The following ANK1 variants were observed in gnomAD, a reference collection of about 807,000 sequenced individuals.
ANK1 encodes ankyrin-1.
Under a neutral mutation model 210.4 loss-of-function variants are expected in ANK1, and 51 were observed. The observed-to-expected ratio is 0.24, with a 90% CI of 0.19 to 0.31. The LOEUF (loss-of-function observed/expected upper bound fraction) is 0.31, where lower values mean the gene tolerates loss of function less well. ANK1 is among the 10% of genes least tolerant of loss of function. The probability of loss-of-function intolerance (pLI) is 1.00; values close to 1 mark genes in which losing one functional copy is unlikely to be tolerated. For synonymous variants in ANK1, 967 were observed against 1,025.9 expected (o/e 0.94, Z 1.10); for missense variants, 2,051 against 2,504.4 (o/e 0.82, Z 3.86).
At chr8:41,797,653 C>G (rs1849032982), upstream of ANK1, 7 of 1,497,048 alleles carry the variant, frequency 4.7e-6, no homozygotes, top group South Asian at 9.0e-5. The surrounding 1 kb of genome is among the most constrained non-coding windows in gnomAD (Gnocchi z 4.0). Flanking sequence ...GCCAGGCCCC[C>G]GAGGGCCTTA....
intron 1 of ANK1, among the ~76,000 whole-genome samples, chr8:41,815,432 A>G (rs1475832964): frequency 6.6e-6 from 1 of 152,168 alleles, no homozygotes; most frequent in African/African-American, 2.4e-5. Flanking sequence ...AAAAACCGTT[A>G]TAATAAATGT....
chr8:41,767,581 A>G (rs1237485320), intron 1 of ANK1, among the ~76,000 whole-genome samples: 2 of 152,024 alleles, frequency 1.3e-5, no homozygotes, highest in Middle Eastern at 3.4e-3. Context: ...TTTTCTCTCC[A>G]TGATTATGTC....
At chr8:41,814,111 C>A (rs1478692986) in intron 1 of ANK1, among the ~76,000 whole-genome samples, 1 of 152,172 alleles carries the variant, frequency 6.6e-6, no homozygotes, top group Non-Finnish European at 1.5e-5. Context: ...CCTGTAATCC[C>A]AGCACTTTGG....
intron 1 of ANK1, among the ~76,000 whole-genome samples, chr8:41,802,875 G>A (rs1850107944): frequency 7.3e-6 from 1 of 137,256 alleles, no homozygotes; most frequent in Non-Finnish European, 1.5e-5. Flanking sequence ...ATCATGCCAC[G>A]GCACTCCAGC....
At chr8:41,852,792 T>C (rs1452365743) in intron 1 of ANK1, among the ~76,000 whole-genome samples, 1 of 152,184 alleles carries the variant, frequency 6.6e-6, no homozygotes, top group East Asian at 1.9e-4. Context: ...AAGGCAATCC[T>C]CTCCCCAACC....
intron 2 of ANK1, among the ~76,000 whole-genome samples, chr8:41,752,088 C>G (rs1241862216): frequency 6.6e-6 from 1 of 152,176 alleles, no homozygotes; most frequent in Non-Finnish European, 1.5e-5. Flanking sequence ...CTTACTTCTT[C>G]CAGACCTCTT....
intron 1 of ANK1, among the ~76,000 whole-genome samples, chr8:41,778,150 G>A (rs1239491265): frequency 1.3e-5 from 2 of 152,202 alleles, no homozygotes; most frequent in Non-Finnish European, 2.9e-5. Context: ...TCAGCACCCA[G>A]TGGTAGACAC....
intron 37 of ANK1, among the ~76,000 whole-genome samples, chr8:41,680,679 A>G (rs1182423834): frequency 6.6e-6 from 1 of 152,120 alleles, no homozygotes; most frequent in Non-Finnish European, 1.5e-5. Flanking sequence ...TTTAGGGTAC[A>G]TGCCCAGCTG....
intron 1 of ANK1, among the ~76,000 whole-genome samples, chr8:41,824,668 G>A (rs989094242): frequency 6.6e-6 from 1 of 152,094 alleles, no homozygotes; most frequent in Non-Finnish European, 1.5e-5. Flanking sequence ...AAGCAATCTG[G>A]GGCTCTAGGA....
intron 1 of ANK1, among the ~76,000 whole-genome samples, chr8:41,785,673 G>A (rs564509975): frequency 7.4e-4 from 113 of 152,312 alleles, no homozygotes; most frequent in African/African-American, 2.6e-3. Context: ...TGCTCGCTGC[G>A]CATCCCTGAG....
intron 1 of ANK1, among the ~76,000 whole-genome samples, chr8:41,809,474 G>C (rs894570531): frequency 2.0e-5 from 3 of 152,166 alleles, no homozygotes; most frequent in African/African-American, 7.2e-5. Context: ...TTTTACAAAG[G>C]GAGAAATTGG....
intron 3 of ANK1, among the ~76,000 whole-genome samples, chr8:41,728,266 G>A (rs563592090): frequency 7.2e-5 from 11 of 152,304 alleles, no homozygotes; most frequent in Non-Finnish European, 1.0e-4. Context: ...CAGGTCTTCC[G>A]TAGCAACTCA....
chr8:41,868,959 G>T (rs964591107), intron 1 of ANK1, among the ~76,000 whole-genome samples: 7 of 152,168 alleles, frequency 4.6e-5, no homozygotes, highest in African/African-American at 7.2e-5. Context: ...CCCAGCTAAA[G>T]CATGTCCTGA....
At chr8:41,780,705 C>T (rs1845113710) in intron 1 of ANK1, among the ~76,000 whole-genome samples, 1 of 152,192 alleles carries the variant, frequency 6.6e-6, no homozygotes, top group Non-Finnish European at 1.5e-5. Context: ...CCTGTGTGTG[C>T]ACGTGTGCCT....
intron 1 of ANK1, among the ~76,000 whole-genome samples, chr8:41,791,574 G>A (rs772382528): frequency 6.6e-6 from 1 of 152,052 alleles, no homozygotes; most frequent in African/African-American, 2.4e-5. Flanking sequence ...TGGGACTACA[G>A]GCGCACGCCA....
intron 17 of ANK1, among the ~76,000 whole-genome samples, chr8:41,708,563 A>C (rs1424403358): frequency 1.3e-5 from 2 of 152,252 alleles, no homozygotes; most frequent in Non-Finnish European, 2.9e-5. Context: ...CTTTGGCATC[A>C]GAAAGGCTCA....
intron 7 of ANK1, 79 bp from the exon 8 acceptor site, chr8:41,723,712 C>A (rs1829907753): frequency 8.1e-7 from 1 of 1,230,240 alleles, no homozygotes; most frequent in Admixed American, 1.8e-5. Context: ...TCCCCTTGTC[C>A]CCAGCCCCCA....
intron 26 of ANK1, 136 bp from the exon 27 acceptor site, chr8:41,695,467 G>T (rs1820628243): frequency 7.1e-6 from 9 of 1,260,408 alleles, no homozygotes; most frequent in Non-Finnish European, 9.1e-6. Context: ...CCTGCAGGCA[G>T]GTCTCTAAGT....
chr8:41,672,788 GGCC>G lies in ANK1; in HGVS notation c.4659_4661del (p.Ala1554del). ...TCTCCAGCATGGTGTCATGCTCCGT[GGCC>G]GCCAAGGGGATGGCGTCTAGGACGG... On this transcript the variant is annotated inframe_deletion, in exon 38 of 43. Transcript: ENST00000289734. The G allele has an allele frequency of 1.2e-6, 2 of 1,604,242 alleles. No homozygotes were observed. Among genetic ancestry groups the G allele is most frequent in the South Asian group, 1.1e-5 (1 of 89,874 alleles).
Sources: gnomAD v4.1 joint callset for allele counts (sites outside exome capture counted in the v4.1 genomes callset) on GRCh38, gnomAD v4.1.1 for gene constraint, Gnocchi (gnomAD v3.1) non-coding constraint, MANE v1.5 for transcripts, NCBI Gene and HGNC (gene_info 2026-07-23, HGNC 2026-07-21) for gene names.